The following BIN2 variants were observed in gnomAD, a reference collection of about 807,000 sequenced individuals.
The protein encoded by BIN2 is breast cancer associated protein BRAP1.
A neutral mutation model predicts 67.9 loss-of-function variants in BIN2; 43 were observed. That is an observed-to-expected ratio of 0.63 (90% CI 0.50 to 0.82). The LOEUF is 0.82. Ranked by LOEUF, BIN2 falls within the 40% of genes least tolerant of loss-of-function variation. The pLI is 0.00. For synonymous variants in BIN2, 244 were observed against 246.8 expected, an observed-to-expected ratio of 0.99 and a Z score of 0.11; for missense variants, 581 against 671.6, an observed-to-expected ratio of 0.87 and a Z score of 1.49.
chr12:51,324,159 C>A lies in BIN2; in HGVS notation c.-57G>T. The stretch of plus-strand genomic sequence containing the variant: ...CCCCGCGCCCTGTGGTTTTCTGAGG[C>A]CCCCGAGGAGGAAGTGCGGGCTCCC... On this transcript the variant is annotated 5_prime_UTR_variant, in exon 1 of 13. Transcript: ENST00000615107. 6.2e-7 allele frequency: 1 copy of A among 1,600,892 alleles called. No homozygotes were observed. The highest frequency in any genetic ancestry group is 1.1e-5 in the South Asian group (1 of 90,042).
chr12:51,305,826 CTT>C (rs1168899685), intron 2 of BIN2, among the ~76,000 whole-genome samples: 25 of 82,424 alleles, frequency 3.0e-4, no homozygotes, highest in African/African-American at 1.1e-3. Flanking sequence ...TGTTTTCTTT[CTT>C]TTTTTTTTTT....
At chr12:51,281,888 C>G (rs1301802768) in intron 12 of BIN2, among the ~76,000 whole-genome samples, 1 of 151,946 alleles carries the variant, frequency 6.6e-6, no homozygotes, top group Non-Finnish European at 1.5e-5. Flanking sequence ...GTAGCTAGGA[C>G]TACAGGCGCA....
intron 1 of BIN2, among the ~76,000 whole-genome samples, chr12:51,315,278 T>A (rs1174814688): frequency 6.6e-6 from 1 of 152,120 alleles, no homozygotes; most frequent in Admixed American, 6.5e-5. Context: ...CACGCCATTC[T>A]CCTGCCTCAG....
At chr12:51,299,116 T>A in intron 7 of BIN2, 87 bp downstream of exon 7, 2 of 937,998 alleles carry the variant, frequency 2.1e-6, no homozygotes, top group Non-Finnish European at 1.7e-6. Context: ...GGAATTTAAA[T>A]CTAAAACACT....
rs188029261 is a variant in BIN2 at position 51,296,558 on chromosome 12, A to G, written c.678+531T>C. Among the ~76,000 whole-genome samples, 16 of 152,286 alleles carry G rather than the reference A, an allele frequency of 1.1e-4. No individual in the cohort carries two copies. The East Asian group carries it at 3.1e-3, about 29-fold the overall frequency. Reference sequence around the variant, plus strand: ...TAACTAGGCAAATCATACTTTAGCCAAATAAACTATGGAGAGTAGTATGTA... The same window carrying G: ...TAACTAGGCAAATCATACTTTAGCCGAATAAACTATGGAGAGTAGTATGTA... On this transcript the variant is annotated intron_variant, in intron 8 of 12. Coordinates refer to ENST00000615107, the MANE Select transcript of BIN2 (RefSeq NM_016293.4).
chr12:51,288,408 C>A (rs541732708), intron 10 of BIN2, among the ~76,000 whole-genome samples: 1 of 152,358 alleles, frequency 6.6e-6, no homozygotes, highest in African/African-American at 2.4e-5. Context: ...TAGCCTTCTT[C>A]ATTGCTCACA....
At chr12:51,284,637 C>T in intron 12 of BIN2, 79 bp downstream of exon 12, 2 of 1,133,994 alleles carry the variant, frequency 1.8e-6, no homozygotes, top group Non-Finnish European at 2.7e-6. Context: ...CCCCTTGTAG[C>T]CTGTGGTGAA....
At chr12:51,295,635 G>A (rs1213569703) in intron 9 of BIN2, among the ~76,000 whole-genome samples, 161 bp downstream of exon 9, 6 of 108,018 alleles carry the variant, frequency 5.6e-5, no homozygotes, top group Non-Finnish European at 9.4e-5. Context: ...TATATATTTA[G>A]TAAAAAGCAA....
In BIN2 at chr12:51,292,153, T is replaced by C; in HGVS notation, c.953A>G (p.Glu318Gly). 1 of 1,613,994 alleles carries C rather than the reference T, an allele frequency of 6.2e-7. No homozygotes were observed. The highest frequency in any genetic ancestry group is 1.1e-5 in the South Asian group (1 of 91,082). ...DNSEIKELLE[E>G]EEIEKEGSEA... ...AGATCCTTCCTTCTCTATTTCCTCC[T>C]CTTCTAAGAGCTCCTTGATCTCAGA... is the stretch of plus-strand genomic sequence containing the variant. Residue 318 changes from glutamate to glycine, a missense_variant, in exon 10 of 13, where the codon GAG (glutamate) becomes GGG (glycine). Physicochemically the swap from Glu to Gly is moderately conservative, Grantham distance 98. Coordinates refer to ENST00000615107, the MANE Select transcript of BIN2 (RefSeq NM_016293.4).
intron 8 of BIN2, among the ~76,000 whole-genome samples, chr12:51,296,262 C>T (rs533215897): frequency 3.9e-5 from 6 of 152,046 alleles, no homozygotes; most frequent in South Asian, 4.2e-4. Flanking sequence ...TTTGGGAGGC[C>T]GAGGTGGGCG....
intron 2 of BIN2, among the ~76,000 whole-genome samples, chr12:51,305,826 C>CT (rs1168899685): frequency 0.036 from 2,949 of 82,482 alleles, 161 homozygotes; most frequent in East Asian, 0.064. Flanking sequence ...TGTTTTCTTT[C>CT]TTTTTTTTTT....
At chr12:51,316,646 T>A (rs1401295884) in intron 1 of BIN2, among the ~76,000 whole-genome samples, 1 of 152,152 alleles carries the variant, frequency 6.6e-6, no homozygotes, top group African/African-American at 2.4e-5. Context: ...GTTTCCCAAA[T>A]AACCCACACT....
At chr12:51,310,924 A>G (rs1443516728) in intron 2 of BIN2, among the ~76,000 whole-genome samples, 3 of 151,762 alleles carry the variant, frequency 2.0e-5, no homozygotes, top group Non-Finnish European at 2.9e-5. Context: ...ATGACCAGCT[A>G]ATTTTTGTAT....
Position 51,281,543 on chromosome 12 carries a change from T to C in BIN2, c.1669-15A>G. The C allele has an allele frequency of 1.2e-6, 2 of 1,614,012 alleles. No individual in the cohort carries two copies. The highest frequency in any genetic ancestry group is 1.7e-6 in the Non-Finnish European group (2 of 1,179,924). On this transcript the variant is annotated splice_polypyrimidine_tract_variant and intron_variant, in intron 12 of 12. Coordinates refer to ENST00000615107, the MANE Select transcript of BIN2 (RefSeq NM_016293.4). ...CTTGTGGATACCTGGAAAGTAAACA[T>C]GATTGTGTTAGGTGTTGACCTGCCT...
chr12:51,314,400 C>A (rs1946072554), intron 1 of BIN2, among the ~76,000 whole-genome samples: 1 of 152,012 alleles, frequency 6.6e-6, no homozygotes, highest in Admixed American at 6.6e-5. Context: ...CAACAAACTG[C>A]TGAAAAAACA....
intron 2 of BIN2, among the ~76,000 whole-genome samples, chr12:51,307,985 C>A (rs11169800): frequency 0.34 from 51,958 of 151,714 alleles, 9,237 homozygotes; most frequent in Middle Eastern, 0.43. Context: ...CTTTCTTTTG[C>A]GAAGATGAAG....
At chr12:51,289,704 T>C (rs1437805798) in intron 10 of BIN2, among the ~76,000 whole-genome samples, 1 of 152,106 alleles carries the variant, frequency 6.6e-6, no homozygotes, top group African/African-American at 2.4e-5. Context: ...ATCTCTCAAT[T>C]TTTTTTCAAG....
chr12:51,313,065 T>C (rs1946032641), intron 2 of BIN2, among the ~76,000 whole-genome samples: 1 of 152,064 alleles, frequency 6.6e-6, no homozygotes, highest in African/African-American at 2.4e-5. Flanking sequence ...AAACCCTGTC[T>C]GTACTAAAAA....
chr12:51,303,251 T>TG, intron 2 of BIN2, 110 bp from the exon 3 acceptor site: 1 of 1,083,768 alleles, frequency 9.2e-7, no homozygotes, highest in Non-Finnish European at 1.4e-6. Context: ...CTGGAATTTC[T>TG]CTAAATATTC....
Sources: allele counts gnomAD v4.1 joint callset (sites outside exome capture counted in the v4.1 genomes callset), GRCh38; gene constraint gnomAD v4.1.1; transcripts MANE v1.5; gene names NCBI Gene and HGNC (gene_info 2026-07-23, HGNC 2026-07-21).